SCAF8: variants seen among roughly 807,000 people sequenced by gnomAD.
The protein encoded by SCAF8 is SR-related CTD associated factor 8.
A neutral mutation model predicts 140.5 loss-of-function variants in SCAF8; 23 were observed. The ratio of observed to expected loss-of-function variants is 0.16; its 90% CI spans 0.12 to 0.23. The LOEUF (loss-of-function observed/expected upper bound fraction) is 0.23, where lower values mean the gene tolerates loss of function less well. Among genes scored for constraint, SCAF8 ranks in the 10% least tolerant of loss-of-function variants. SCAF8 has a pLI of 1.00. For synonymous variants in SCAF8, 575 were observed against 528.9 expected, an observed-to-expected ratio of 1.09 and a Z score of -1.20; for missense variants, 1,397 against 1,555.7, an observed-to-expected ratio of 0.90 and a Z score of 1.72.
At chr6:154,797,387 C>CT (rs1777636978) in intron 6 of SCAF8, among the ~76,000 whole-genome samples, 1 of 151,078 alleles carries the variant, frequency 6.6e-6, no homozygotes, top group South Asian at 2.1e-4. Flanking sequence ...CAAGATTAAT[C>CT]TTTATCAGTG....
intron 4 of SCAF8, 40 bp from the exon 5 acceptor site, chr6:154,792,783 A>G: frequency 6.7e-7 from 1 of 1,489,250 alleles, no homozygotes; most frequent in Non-Finnish European, 9.1e-7. Context: ...TAAGGTTTTG[A>G]GAGTAAAAAC....
At position 154,794,998 on chromosome 6, in the gene SCAF8, C is replaced by A; in HGVS notation, c.476-11C>A. On this transcript the variant is annotated splice_polypyrimidine_tract_variant and intron_variant, in intron 5 of 19. Transcript: ENST00000367178. ...ATATTTATTTGGGGGGTGTGATGTT[C>A]TTTTTAAAAGGAACTCCTGTGACAC... 1 of 1,583,126 alleles carries A rather than the reference C, an allele frequency of 6.3e-7. No individual in the cohort carries two copies. Among genetic ancestry groups the A allele is most frequent in the Non-Finnish European group, 8.5e-7 (1 of 1,169,604 alleles).
intron 3 of SCAF8, among the ~76,000 whole-genome samples, chr6:154,782,433 C>CAAAACAAAACAAAACA (rs202206150): frequency 6.6e-6 from 1 of 151,858 alleles, no homozygotes; most frequent in African/African-American, 2.4e-5. Context: ...CAAAACAAAA[C>CAAAACAAAACAAAACA]AAACAAACAG....
chr6:154,822,428 T>G lies in SCAF8; in HGVS notation c.1926+19T>G, dbSNP rs573661857. ...GTTGCAGGTTAGTGTTGAAGTGGGG[T>G]TTTTTTTTTCTTGTGTTGTTTTACA... On this transcript the variant is annotated intron_variant, in intron 16 of 19. Transcript: ENST00000367178. 1.1e-5 allele frequency: 16 copies of G among 1,501,984 alleles called. No individual in the cohort carries two copies. Among genetic ancestry groups the G allele is most frequent in the African/African-American group, 1.0e-4 (7 of 70,278 alleles). The allele number at this position is 1,501,984 out of a possible 1,614,324, so 93.0% of individuals were successfully genotyped here. A position where few individuals can be genotyped will look rare whatever the true frequency, so the allele number is the denominator to read the frequency against.
chr6:154,767,802 G>A (rs1394798641), intron 1 of SCAF8, among the ~76,000 whole-genome samples: 4 of 152,020 alleles, frequency 2.6e-5, no homozygotes, highest in Non-Finnish European at 5.9e-5. Context: ...GCCTCCCAAA[G>A]TGCTGGGATT....
At chr6:154,814,852 C>G (rs2114661144) in intron 12 of SCAF8, among the ~76,000 whole-genome samples, 1 of 152,282 alleles carries the variant, frequency 6.6e-6, no homozygotes, top group Middle Eastern at 3.4e-3. Context: ...ATCTTTAAGT[C>G]TTTCAAGGGG....
intron 1 of SCAF8, among the ~76,000 whole-genome samples, chr6:154,737,057 G>C (rs1367269529): frequency 6.6e-6 from 1 of 152,106 alleles, no homozygotes; most frequent in East Asian, 1.9e-4. Context: ...CTGATGTGTA[G>C]TAAACATTGT....
intron 12 of SCAF8, among the ~76,000 whole-genome samples, chr6:154,811,395 G>GT (rs578123121): frequency 0.027 from 3,832 of 143,108 alleles, 68 homozygotes; most frequent in Middle Eastern, 0.064. Flanking sequence ...TGTTTACACA[G>GT]TTTTTTTTTT....
chr6:154,787,602 T>TA (rs886788797), intron 3 of SCAF8, among the ~76,000 whole-genome samples: 2 of 152,172 alleles, frequency 1.3e-5, no homozygotes, highest in African/African-American at 4.8e-5. Context: ...AATGGTACCT[T>TA]ATTTATCACT....
At chr6:154,814,056 G>A (rs940361619) in intron 12 of SCAF8, among the ~76,000 whole-genome samples, 1 of 152,194 alleles carries the variant, frequency 6.6e-6, no homozygotes, top group Non-Finnish European at 1.5e-5. Flanking sequence ...ACTGTTACAA[G>A]GCTAGGCATG....
At position 154,822,107 on chromosome 6, in the gene SCAF8, T is replaced by TA. The variant is rs1438361293; in HGVS notation, c.1793-167dup. The TA allele has an allele frequency of 7.1e-6, 4 of 564,538 alleles. No individual in the cohort carries two copies. The East Asian group carries it at 1.1e-4, about 16-fold the overall frequency. 35.0% of individuals were successfully genotyped at this position (564,538 alleles called of 1,614,324 possible). ...TGGTTTTTTGAACTCCATAGTATCC[T>TA]AATCAGATTAATCTGGGCAGAAATC... On this transcript the variant is annotated intron_variant, in intron 15 of 19. Transcript: ENST00000367178.
chr6:154,737,835 C>T (rs1413628280), intron 1 of SCAF8, among the ~76,000 whole-genome samples: 3 of 152,094 alleles, frequency 2.0e-5, no homozygotes, highest in Admixed American at 2.0e-4. Context: ...TGCCCACCTC[C>T]CCTCCCAAAG....
At chr6:154,749,136 T>G (rs889967404) in intron 1 of SCAF8, among the ~76,000 whole-genome samples, 5 of 152,186 alleles carry the variant, frequency 3.3e-5, no homozygotes, top group Non-Finnish European at 4.4e-5. Flanking sequence ...GAGATGGAGT[T>G]TCTCCTGGTT....
intron 4 of SCAF8, among the ~76,000 whole-genome samples, chr6:154,791,259 C>T (rs1370047194): frequency 6.6e-6 from 1 of 152,076 alleles, no homozygotes; most frequent in Non-Finnish European, 1.5e-5. Context: ...CTAAATACTG[C>T]TAATTATGTT....
chr6:154,762,390 T>C (rs1487138258), intron 1 of SCAF8, among the ~76,000 whole-genome samples: 1 of 152,166 alleles, frequency 6.6e-6, no homozygotes, highest in Non-Finnish European at 1.5e-5. Context: ...TCTTTTTTTG[T>C]TTACTGGCTG....
chr6:154,751,288 G>A (rs1253974141), intron 1 of SCAF8, among the ~76,000 whole-genome samples: 4 of 151,786 alleles, frequency 2.6e-5, no homozygotes, highest in Non-Finnish European at 5.9e-5. Flanking sequence ...GAGTGCAATG[G>A]TGTGATCTCC....
chr6:154,779,851 A>G (rs971860580), intron 3 of SCAF8, among the ~76,000 whole-genome samples: 5 of 151,818 alleles, frequency 3.3e-5, no homozygotes, highest in Middle Eastern at 3.2e-3. Context: ...ATGTCATTAA[A>G]TCAGTAGGAA....
chr6:154,745,849 A>T (rs1393265171), intron 1 of SCAF8, among the ~76,000 whole-genome samples: 2 of 151,978 alleles, frequency 1.3e-5, no homozygotes, highest in African/African-American at 4.8e-5. Context: ...ATAGGTGTAT[A>T]TGCATATTAG....
Position 154,808,051 on chromosome 6 carries a change from T to G in SCAF8, c.982-19T>G, listed in dbSNP as rs771913969. 6.3e-7 allele frequency: 1 copy of G among 1,596,560 alleles called. No homozygotes were observed. Among genetic ancestry groups the G allele is most frequent in the African/African-American group, 1.3e-5 (1 of 74,124 alleles). ...AAAGTATCTCCCAATCTTTGTGTGT[T>G]TGTATATGTTCTCAATAGGCCACTC... On this transcript the variant is annotated intron_variant, in intron 9 of 19. Transcript: ENST00000367178.
Sources: gnomAD v4.1 joint callset for allele counts (sites outside exome capture counted in the v4.1 genomes callset) on GRCh38, gnomAD v4.1.1 for gene constraint, MANE v1.5 for transcripts, NCBI Gene and HGNC (gene_info 2026-07-23, HGNC 2026-07-21) for gene names.